The following ACAA2 variants were observed in gnomAD, a reference collection of about 807,000 sequenced individuals.
ACAA2 encodes 3-ketoacyl-CoA thiolase, mitochondrial.
A neutral mutation model predicts 44.8 loss-of-function variants in ACAA2; 35 were observed. The observed-to-expected ratio is 0.78, with a 90% CI of 0.60 to 1.04. The LOEUF (loss-of-function observed/expected upper bound fraction) is 1.04, where lower values mean the gene tolerates loss of function less well. ACAA2 is among the 50% of genes least tolerant of loss of function. The probability of loss-of-function intolerance (pLI) is 0.00; values close to 1 mark genes in which losing one functional copy is unlikely to be tolerated. For synonymous variants in ACAA2, 142 were observed against 166.5 expected, an observed-to-expected ratio of 0.85 and a Z score of 1.13; for missense variants, 468 against 482.6, an observed-to-expected ratio of 0.97 and a Z score of 0.28.
At chr18:49,786,746 AGTTCTAATACTAAC>A (rs1241021219) in intron 8 of ACAA2, 1 of 152,224 alleles carries the variant, frequency 6.6e-6, no homozygotes, top group Non-Finnish European at 1.5e-5. Flanking sequence ...AAGACACTTT[AGTTCTAATACTAAC>A]ATTTAAAAAG....
chr18:49,791,331 A>AT, intron 7 of ACAA2, 139 bp downstream of exon 7: 1 of 742,118 alleles, frequency 1.3e-6, no homozygotes, highest in South Asian at 2.1e-5. Flanking sequence ...CTTCATAAAG[A>AT]TTTTTTATTT....
Position 49,792,153 on chromosome 18 carries a change from G to A in ACAA2, c.752C>T (p.Ser251Leu), listed in dbSNP as rs748770671. 27 of 1,611,854 alleles carry A rather than the reference G, an allele frequency of 1.7e-5. No individual in the cohort carries two copies. The highest frequency in any genetic ancestry group is 5.0e-5 in the Admixed American group (3 of 59,844). The part of the protein sequence containing the change: ...KDGTVTAGNA[S>L]GVADGAGAVI... ...GCTAATCTGTGTGGTGATACCAACC[G>A]ATGCATTCCCTGCAGTAACAGTTCC... Residue 251 changes from serine to leucine, a missense_variant and splice_region_variant, in exon 6 of 10, where the codon TCG becomes TTG. Physicochemically the swap from Ser to Leu is moderately radical, Grantham distance 145 (BLOSUM62 -2). Transcript: ENST00000285093.
intron 1 of ACAA2, chr18:49,813,124 T>A: frequency 4.5e-6 from 1 of 224,676 alleles, no homozygotes; most frequent in Non-Finnish European, 8.7e-6. Flanking sequence ...GCCCGCGGCC[T>A]ATGGCGCCGC....
intron 1 of ACAA2, among the ~76,000 whole-genome samples, chr18:49,803,356 C>A (rs2023578545): frequency 6.6e-6 from 1 of 151,984 alleles, no homozygotes; most frequent in East Asian, 1.9e-4. Context: ...GCAAAACTTT[C>A]TGCTCTGTAA....
At chr18:49,803,835 C>T (rs2023583620) in intron 1 of ACAA2, among the ~76,000 whole-genome samples, 1 of 151,442 alleles carries the variant, frequency 6.6e-6, no homozygotes, top group South Asian at 2.1e-4. Flanking sequence ...TGCCAGGAAA[C>T]TTTCAGTAAG....
intron 6 of ACAA2, 141 bp downstream of exon 6, chr18:49,792,011 C>A: frequency 7.3e-6 from 4 of 546,348 alleles, no homozygotes; most frequent in South Asian, 5.6e-5. Flanking sequence ...CTATGAAAAC[C>A]TAAATTAATT....
Position 49,813,516 on chromosome 18 carries a change from T to A in ACAA2, c.-32A>T. 8.1e-7 allele frequency: 1 copy of A among 1,238,756 alleles called. No homozygotes were observed. The highest frequency in any genetic ancestry group is 1.0e-6 in the Non-Finnish European group (1 of 987,996). The allele number at this position is 1,238,756 out of a possible 1,614,324, so 76.7% of individuals were successfully genotyped here. On this transcript the variant is annotated 5_prime_UTR_variant, in exon 1 of 10. Transcript: ENST00000285093. ...TGCTGGGTCGTCGGCGGCGCGGGTC[T>A]GTGGTGTGGGGGACGCTGAGCGGCC...
intron 3 of ACAA2, among the ~76,000 whole-genome samples, chr18:49,796,406 A>T (rs554447075): frequency 6.6e-6 from 1 of 152,168 alleles, no homozygotes; most frequent in South Asian, 2.1e-4. Context: ...TATGAACCTG[A>T]TGGTTCTTAA....
chr18:49,799,005 A>C (rs996584759), intron 2 of ACAA2, among the ~76,000 whole-genome samples: 1 of 152,130 alleles, frequency 6.6e-6, no homozygotes, highest in East Asian at 1.9e-4. Context: ...AATTGAGTTT[A>C]ATATTATTAA....
At chr18:49,798,550 G>A (rs549860431) in intron 2 of ACAA2, among the ~76,000 whole-genome samples, 5 of 151,522 alleles carry the variant, frequency 3.3e-5, no homozygotes, top group Non-Finnish European at 7.4e-5. Flanking sequence ...GCAAAAGCAA[G>A]TTTGACAAAA....
In ACAA2 at chr18:49,790,410, C is replaced by T. The variant is rs1264879520; in HGVS notation, c.883+1060G>A. Among the ~76,000 whole-genome samples the T allele has an allele frequency of 6.6e-5, 10 of 152,250 alleles. No homozygotes were observed. The East Asian group carries it at 1.9e-3, about 29-fold the overall frequency. The stretch of plus-strand genomic sequence containing the variant: ...GTATTGTTTGAGTAGAACCTGTAGG[C>T]TTACACTGAAGGATCTCTGAGATGG... On this transcript the variant is annotated intron_variant, in intron 7 of 9. Transcript: ENST00000285093.
intron 7 of ACAA2, among the ~76,000 whole-genome samples, chr18:49,789,945 CTG>C (rs1457533669): frequency 2.7e-5 from 4 of 150,344 alleles, no homozygotes; most frequent in African/African-American, 9.8e-5. Flanking sequence ...AAGCGAGACT[CTG>C]TGTCAAAAAC....
chr18:49,787,983 C>G (rs1002523799), intron 7 of ACAA2, among the ~76,000 whole-genome samples: 19 of 152,100 alleles, frequency 1.2e-4, no homozygotes, highest in Non-Finnish European at 5.9e-5. Context: ...TGGGAAACTA[C>G]GAGGCACTTC....
intron 7 of ACAA2, among the ~76,000 whole-genome samples, chr18:49,789,943 C>T (rs575970475): frequency 2.6e-5 from 4 of 151,064 alleles, no homozygotes; most frequent in South Asian, 2.1e-4. Context: ...CAAAGCGAGA[C>T]TCTGTGTCAA....
intron 2 of ACAA2, among the ~76,000 whole-genome samples, chr18:49,802,042 T>C (rs2143970847): frequency 6.6e-6 from 1 of 152,126 alleles, no homozygotes; most frequent in South Asian, 2.1e-4. Context: ...GCTCCTACAA[T>C]GTGTAAGAAA....
At chr18:49,788,620 G>A (rs1351670089) in intron 7 of ACAA2, among the ~76,000 whole-genome samples, 1 of 152,202 alleles carries the variant, frequency 6.6e-6, no homozygotes, top group African/African-American at 2.4e-5. Context: ...TAAAGCATCA[G>A]TTATCCAGCC....
chr18:49,797,265 C>CTTTTTTTTTTTT (rs11392686), intron 3 of ACAA2, among the ~76,000 whole-genome samples: 1 of 143,798 alleles, frequency 7.0e-6, no homozygotes, highest in South Asian at 2.2e-4. Flanking sequence ...TCATTATTAG[C>CTTTTTTTTTTTT]TTTTTTTTTT....
chr18:49,801,768 AT>A (rs1224201167), intron 2 of ACAA2, among the ~76,000 whole-genome samples: 1 of 137,652 alleles, frequency 7.3e-6, no homozygotes, highest in African/African-American at 2.7e-5. Context: ...TACATAAGAT[AT>A]ATCACAGAAA....
intron 3 of ACAA2, 119 bp downstream of exon 3, chr18:49,797,347 A>T: frequency 4.9e-6 from 4 of 817,664 alleles, no homozygotes; most frequent in Non-Finnish European, 7.2e-6. Flanking sequence ...ATCATGGTTT[A>T]CTTGACCTCC....
Sources: gnomAD v4.1 joint callset for allele counts (sites outside exome capture counted in the v4.1 genomes callset) on GRCh38, gnomAD v4.1.1 for gene constraint, MANE v1.5 for transcripts, NCBI Gene and HGNC (gene_info 2026-07-23, HGNC 2026-07-21) for gene names.